The following ZBTB44 variants were observed in gnomAD, a reference collection of about 807,000 sequenced individuals.
ZBTB44 encodes the protein zinc finger and BTB domain containing 44.
In ZBTB44, 15 loss-of-function variants were observed where a neutral mutation model predicts 54.0. The observed-to-expected ratio is 0.28, with a 90% CI of 0.19 to 0.43. The LOEUF is 0.43. ZBTB44 is among the 20% of genes least tolerant of loss of function. The pLI, the probability that ZBTB44 is intolerant of heterozygous loss-of-function variation, is 1.00. For missense variants in ZBTB44, 487 were observed against 707.1 expected, an observed-to-expected ratio of 0.69 and a Z score of 3.53; for synonymous variants, 230 against 250.1, an observed-to-expected ratio of 0.92 and a Z score of 0.76.
At chr11:130,308,421 C>T (rs1056480753) in intron 1 of ZBTB44, among the ~76,000 whole-genome samples, 4 of 152,130 alleles carry the variant, frequency 2.6e-5, no homozygotes, top group African/African-American at 9.7e-5. Flanking sequence ...CTCTAAACAG[C>T]CTTGAATTTG....
intron 1 of ZBTB44, among the ~76,000 whole-genome samples, chr11:130,284,202 A>G (rs964746748): frequency 5.3e-5 from 8 of 152,348 alleles, no homozygotes; most frequent in Non-Finnish European, 1.0e-4. Flanking sequence ...CATGCAATTT[A>G]TAGAATTATA....
intron 5 of ZBTB44, 184 bp downstream of exon 5, chr11:130,236,609 A>G: frequency 2.0e-6 from 1 of 496,318 alleles, no homozygotes; most frequent in East Asian, 3.5e-5. Flanking sequence ...ATAATTTTAT[A>G]TACGTAGAAG....
chr11:130,275,774 C>T (rs117918184), intron 1 of ZBTB44, among the ~76,000 whole-genome samples: 4,072 of 152,168 alleles, frequency 0.027, 71 homozygotes, highest in Non-Finnish European at 0.041. Context: ...AGTACAGGCG[C>T]GTGCCAGCAT....
chr11:130,245,872 C>T (rs1210199946), intron 2 of ZBTB44, among the ~76,000 whole-genome samples: 1 of 152,220 alleles, frequency 6.6e-6, no homozygotes, highest in Non-Finnish European at 1.5e-5. Context: ...GTTTAAAAAG[C>T]TGGTTGAAAA....
At chr11:130,236,417 A>C (rs185777358) in intron 5 of ZBTB44, among the ~76,000 whole-genome samples, 70 of 152,352 alleles carry the variant, frequency 4.6e-4, no homozygotes, top group Non-Finnish European at 7.5e-4. Context: ...TTTTATTAAC[A>C]TCTAGAGTCT....
intron 3 of ZBTB44, chr11:130,239,366 T>C (rs1209617109): frequency 6.4e-6 from 1 of 155,900 alleles, no homozygotes; most frequent in Non-Finnish European, 1.4e-5. Flanking sequence ...GAGTTATGGG[T>C]ATACAGATCA....
chr11:130,272,916 G>A (rs893791220), intron 1 of ZBTB44, among the ~76,000 whole-genome samples: 6 of 152,082 alleles, frequency 3.9e-5, no homozygotes, highest in African/African-American at 1.4e-4. Flanking sequence ...TGATTTATAT[G>A]TCCTTGTGCC....
intron 1 of ZBTB44, among the ~76,000 whole-genome samples, chr11:130,303,791 T>A (rs1005819830): frequency 1.3e-5 from 2 of 151,982 alleles, no homozygotes; most frequent in Non-Finnish European, 2.9e-5. Context: ...GTTTTTTTTT[T>A]AAAGCTATAT....
intron 1 of ZBTB44, among the ~76,000 whole-genome samples, chr11:130,303,767 A>G (rs1592074359): frequency 6.6e-6 from 1 of 152,204 alleles, no homozygotes; most frequent in Non-Finnish European, 1.5e-5. Context: ...GGTATCAAAC[A>G]TCTGTAATTT....
chr11:130,238,299 A>G lies in ZBTB44; in HGVS notation c.1267+145T>C, dbSNP rs570906909. The G allele has an allele frequency of 9.6e-5, 102 of 1,061,752 alleles. No homozygotes were observed. The East Asian group carries it at 2.2e-3, about 23-fold the overall frequency. 65.8% of individuals were successfully genotyped at this position (1,061,752 alleles called of 1,614,324 possible). On this transcript the variant is annotated intron_variant, in intron 4 of 7. Transcript: ENST00000357899. Reference sequence around the variant, plus strand: ...CTTTCTGACACTGCATCATTTCAGCAATAAACCTTAGCTAATCTGTTTTCA... The same window carrying G: ...CTTTCTGACACTGCATCATTTCAGCGATAAACCTTAGCTAATCTGTTTTCA...
At position 130,283,357 on chromosome 11, in the gene ZBTB44, T is replaced by C. The variant is rs571689820; in HGVS notation, c.-56-21428A>G. Among the ~76,000 whole-genome samples the C allele has an allele frequency of 2.5e-4, 38 of 152,184 alleles. 1 individual carries two copies. Among genetic ancestry groups the C allele is most frequent in the Admixed American group, 7.2e-4 (11 of 15,286 alleles). ...CACCGTGCCCGGCCCATTCTAACCA[T>C]TTTAAAGTGTACAGTTCAGTGACAT... On this transcript the variant is annotated intron_variant, in intron 1 of 7. Coordinates refer to ENST00000357899, the MANE Select transcript of ZBTB44 (RefSeq NM_001301098.2).
intron 1 of ZBTB44, chr11:130,296,122 C>G: frequency 6.6e-7 from 1 of 1,520,886 alleles, no homozygotes; most frequent in Admixed American, 1.7e-5. Context: ...AACATGTAGA[C>G]AGACTATGCT....
intron 5 of ZBTB44, among the ~76,000 whole-genome samples, chr11:130,234,498 T>C (rs1954020987): frequency 6.6e-6 from 1 of 152,182 alleles, no homozygotes; most frequent in Non-Finnish European, 1.5e-5. Flanking sequence ...CACCAATACA[T>C]CAGGTTAATT....
chr11:130,241,135 G>C (rs372562427), intron 2 of ZBTB44, among the ~76,000 whole-genome samples: 4 of 152,020 alleles, frequency 2.6e-5, no homozygotes, highest in African/African-American at 9.7e-5. Context: ...CAGTTTTTTG[G>C]CTATTAAGAA....
At chr11:130,310,476 T>TA (rs567049565) in intron 1 of ZBTB44, 4,431 of 141,884 alleles carry the variant, frequency 0.031, 130 homozygotes, top group African/African-American at 0.078. Flanking sequence ...CCCCCGTCTT[T>TA]AAAAAAAAAA....
chr11:130,256,281 G>A (rs1385632587), intron 2 of ZBTB44, among the ~76,000 whole-genome samples: 1 of 152,310 alleles, frequency 6.6e-6, no homozygotes, highest in East Asian at 1.9e-4. Flanking sequence ...ACGCAAGGCT[G>A]GTTCAACACA....
intron 2 of ZBTB44, among the ~76,000 whole-genome samples, chr11:130,248,158 T>C (rs1300870691): frequency 6.6e-6 from 1 of 152,190 alleles, no homozygotes; most frequent in Non-Finnish European, 1.5e-5. Context: ...GTAAGTAAAA[T>C]TAAATACTCT....
At position 130,264,757 on chromosome 11, in the gene ZBTB44, T is replaced by C. The variant is rs1426168762; in HGVS notation, c.-56-2828A>G. On this transcript the variant is annotated intron_variant, in intron 1 of 7. Transcript: ENST00000357899. The stretch of plus-strand genomic sequence containing the variant: ...TAATACAAACTTATATGGACAAATA[T>C]ATTTTGGATACAGAGACATACCTCA... Among the ~76,000 whole-genome samples, 6 of 152,194 alleles carry C rather than the reference T, an allele frequency of 3.9e-5. No homozygotes were observed. The South Asian group carries it at 1.0e-3, about 26-fold the overall frequency.
intron 1 of ZBTB44, among the ~76,000 whole-genome samples, chr11:130,308,295 T>C (rs966324076): frequency 2.0e-5 from 3 of 152,228 alleles, no homozygotes; most frequent in African/African-American, 7.2e-5. Context: ...TTGCAATCTC[T>C]GAGGTTGTTA....
Sources: allele counts gnomAD v4.1 joint callset (sites outside exome capture counted in the v4.1 genomes callset), GRCh38; gene constraint gnomAD v4.1.1; transcripts MANE v1.5; gene names NCBI Gene and HGNC (gene_info 2026-07-23, HGNC 2026-07-21).